Variants in ELMO1 observed in about 807,000 individuals in gnomAD.
The protein encoded by ELMO1 is engulfment and cell motility protein 1.
ELMO1 carries 26 observed loss-of-function variants against 98.9 expected under a neutral mutation model. The ratio of observed to expected loss-of-function variants is 0.26; its 90% confidence interval spans 0.19 to 0.36. ELMO1 has a LOEUF of 0.36. Ranked by LOEUF, ELMO1 falls within the 10% of genes least tolerant of loss-of-function variation. The probability of loss-of-function intolerance (pLI) is 1.00; values close to 1 mark genes in which losing one functional copy is unlikely to be tolerated. For missense variants in ELMO1, 627 were observed against 935.2 expected (o/e 0.67, Z 4.30); for synonymous variants, 346 against 346.0 (o/e 1.00, Z 0.00).
chr7:37,404,299 G>A (rs13226064), intron 1 of ELMO1, among the ~76,000 whole-genome samples: 33,170 of 151,300 alleles, frequency 0.22, 3,866 homozygotes, highest in East Asian at 0.42. Context: ...CCTTCACTCC[G>A]TGTGGCAGGC....
At chr7:37,266,641 T>G (rs1017965442) in intron 5 of ELMO1, among the ~76,000 whole-genome samples, 1 of 152,210 alleles carries the variant, frequency 6.6e-6, no homozygotes, top group African/African-American at 2.4e-5. Context: ...TCACCTCTTT[T>G]GTACTATAAT....
intron 7 of ELMO1, 86 bp from the exon 8 acceptor site, chr7:37,233,280 C>G: frequency 8.8e-7 from 1 of 1,131,384 alleles, no homozygotes; most frequent in Non-Finnish European, 1.3e-6. Context: ...AAAGTGAATA[C>G]AAGCAGAATT....
chr7:37,290,787 T>C (rs1215346708), intron 4 of ELMO1, among the ~76,000 whole-genome samples: 1 of 152,140 alleles, frequency 6.6e-6, no homozygotes, highest in Non-Finnish European at 1.5e-5. Flanking sequence ...AAAATTCTAA[T>C]GGGATTTGAC....
intron 15 of ELMO1, among the ~76,000 whole-genome samples, chr7:37,024,656 C>T (rs1248214306): frequency 6.6e-6 from 1 of 152,136 alleles, no homozygotes; most frequent in Admixed American, 6.6e-5. Flanking sequence ...GACTCTTCTA[C>T]TATGATGGGA....
chr7:37,396,395 C>CA (rs1583682961), intron 1 of ELMO1, among the ~76,000 whole-genome samples: 1 of 151,310 alleles, frequency 6.6e-6, no homozygotes, highest in African/African-American at 2.4e-5. Context: ...CAAAACAAAA[C>CA]AAAAAAGGCA....
intron 16 of ELMO1, among the ~76,000 whole-genome samples, chr7:36,981,208 A>G (rs1409146732): frequency 1.3e-5 from 2 of 149,736 alleles, no homozygotes; most frequent in Non-Finnish European, 3.0e-5. Context: ...AAACTTTTCC[A>G]AAGCTCACTC....
rs138365952 is a variant in ELMO1 at position 37,316,896 on chromosome 7, C to T, written c.79-936G>A. On this transcript the variant is annotated intron_variant, in intron 2 of 21. Coordinates refer to ENST00000310758, the MANE Select transcript of ELMO1 (RefSeq NM_014800.11). The stretch of plus-strand genomic sequence containing the variant: ...TATATGAAGGGCAATGTGGTATCTG[C>T]GAAGAGATTCTGAATCCAATAGATC... 2.5e-3 allele frequency among the ~76,000 whole-genome samples: 369 copies of T among 145,104 alleles called. 5 individuals are homozygous for T. Among genetic ancestry groups the T allele is most frequent in the African/African-American group, 9.1e-3 (353 of 38,864 alleles).
At chr7:37,397,161 A>G (rs1262309969) in intron 1 of ELMO1, among the ~76,000 whole-genome samples, 1 of 152,234 alleles carries the variant, frequency 6.6e-6, no homozygotes, top group East Asian at 1.9e-4. Context: ...ACCTTATTTA[A>G]TTTACTTATA....
intron 13 of ELMO1, among the ~76,000 whole-genome samples, chr7:37,151,081 C>T (rs549050568): frequency 6.6e-6 from 1 of 152,172 alleles, no homozygotes; most frequent in Non-Finnish European, 1.5e-5. Context: ...CTGCATTCTG[C>T]CCACATCATT....
intron 1 of ELMO1, among the ~76,000 whole-genome samples, chr7:37,377,463 A>G (rs1413870846): frequency 6.6e-6 from 1 of 152,174 alleles, no homozygotes; most frequent in African/African-American, 2.4e-5. Context: ...AGTACCACCA[A>G]CAAGGGTAGA....
chr7:37,244,083 G>C (rs916372725), intron 7 of ELMO1, among the ~76,000 whole-genome samples: 2 of 152,122 alleles, frequency 1.3e-5, no homozygotes, highest in Admixed American at 6.6e-5. Flanking sequence ...CACTGCTCCA[G>C]AAGTAGGGTA....
chr7:37,076,549 C>G (rs991268420), intron 15 of ELMO1, among the ~76,000 whole-genome samples: 1 of 152,184 alleles, frequency 6.6e-6, no homozygotes, highest in Non-Finnish European at 1.5e-5. Flanking sequence ...AAATTTGTTT[C>G]CTTATCACCT....
intron 1 of ELMO1, among the ~76,000 whole-genome samples, chr7:37,395,449 T>A (rs1803258277): frequency 6.6e-6 from 1 of 151,724 alleles, no homozygotes; most frequent in Admixed American, 6.6e-5. Flanking sequence ...TCCCTAATCA[T>A]TTCCAGTAAT....
chr7:36,881,468 G>A (rs1354652156), intron 18 of ELMO1, among the ~76,000 whole-genome samples: 11 of 152,094 alleles, frequency 7.2e-5, no homozygotes, highest in African/African-American at 1.7e-4. Flanking sequence ...AGTGAATTGC[G>A]TCACTAAAAG....
At chr7:36,899,028 G>A (rs1465033389) in intron 16 of ELMO1, among the ~76,000 whole-genome samples, 1 of 152,130 alleles carries the variant, frequency 6.6e-6, no homozygotes, top group Non-Finnish European at 1.5e-5. Flanking sequence ...TGCAGGGGAG[G>A]GGCCATTCTT....
At chr7:37,061,156 G>A (rs186744344) in intron 15 of ELMO1, among the ~76,000 whole-genome samples, 15 of 152,282 alleles carry the variant, frequency 9.9e-5, no homozygotes, top group South Asian at 2.1e-4. Flanking sequence ...GATGGGGGGC[G>A]TCATTTTACA....
chr7:37,302,176 G>C (rs541549415), intron 4 of ELMO1, among the ~76,000 whole-genome samples: 61 of 152,086 alleles, frequency 4.0e-4, no homozygotes, highest in Non-Finnish European at 6.9e-4. Context: ...CAAGAGTCTA[G>C]CAATATTGCC....
chr7:37,033,495 A>T, intron 15 of ELMO1: 1 of 346,344 alleles, frequency 2.9e-6, no homozygotes, highest in Non-Finnish European at 5.7e-6. Context: ...TTAGTGTTAA[A>T]AAAAAAAAAA....
intron 1 of ELMO1, among the ~76,000 whole-genome samples, chr7:37,422,906 C>T (rs1178072239): frequency 6.6e-6 from 1 of 152,240 alleles, no homozygotes; most frequent in Non-Finnish European, 1.5e-5. Flanking sequence ...TTATTGGCCG[C>T]AGCCCATGAG....
Sources: gnomAD v4.1 joint callset for allele counts (sites outside exome capture counted in the v4.1 genomes callset) on GRCh38, gnomAD v4.1.1 for gene constraint, MANE v1.5 for transcripts, NCBI Gene and HGNC (gene_info 2026-07-23, HGNC 2026-07-21) for gene names.